MAML1: variants seen among roughly 807,000 people sequenced by gnomAD.
MAML1 encodes mastermind-like protein 1.
Under a neutral mutation model 77.1 loss-of-function variants are expected in MAML1, and 14 were observed. That is an observed-to-expected ratio of 0.18 (90% CI 0.12 to 0.28). MAML1 has a LOEUF of 0.28. Among genes scored for constraint, MAML1 ranks in the 10% least tolerant of loss-of-function variants. MAML1 has a pLI of 1.00. For synonymous variants in MAML1, 516 were observed against 551.9 expected, an observed-to-expected ratio of 0.93 and a Z score of 0.91; for missense variants, 1,217 against 1,327.8, an observed-to-expected ratio of 0.92 and a Z score of 1.30.
intron 1 of MAML1, among the ~76,000 whole-genome samples, chr5:179,755,840 C>G (rs1459559651): frequency 6.6e-6 from 1 of 151,624 alleles, no homozygotes; most frequent in Non-Finnish European, 1.5e-5. Context: ...TCTCAGCTCA[C>G]TGCAACCTCT....
Position 179,776,385 on chromosome 5 carries a change from A to G in MAML1, c.*1508A>G. 2.0e-6 allele frequency: 2 copies of G among 985,850 alleles called. No individual in the cohort carries two copies. The highest frequency in any genetic ancestry group is 3.5e-5 in the African/African-American group (2 of 57,342). 61.1% of individuals were successfully genotyped at this position (985,850 alleles called of 1,614,324 possible). A position where few individuals can be genotyped will look rare whatever the true frequency, so the allele number is the denominator to read the frequency against. On this transcript the variant is annotated 3_prime_UTR_variant, in exon 5 of 5. Transcript: ENST00000292599. The stretch of plus-strand genomic sequence containing the variant: ...TGAGGGGACGAGAGGTTGTACACAC[A>G]TTGGTAGTTATTTTGCACCAGCAGT...
chr5:179,756,055 T>C (rs1779608429), intron 1 of MAML1, among the ~76,000 whole-genome samples: 1 of 150,814 alleles, frequency 6.6e-6, no homozygotes, highest in Admixed American at 6.6e-5. Context: ...TGAGCCACCA[T>C]GCCTGGCAGT....
Position 179,769,140 on chromosome 5 carries a change from C to T in MAML1, c.1971+51C>T, listed in dbSNP as rs750649902. 1.2e-5 allele frequency: 19 copies of T among 1,602,564 alleles called. No homozygotes were observed. Among genetic ancestry groups the T allele is most frequent in the Non-Finnish European group, 1.6e-5 (19 of 1,173,556 alleles). On this transcript the variant is annotated intron_variant, in intron 3 of 4. Coordinates refer to ENST00000292599, the MANE Select transcript of MAML1 (RefSeq NM_014757.5). This position sits in a 1 kb window ranked among gnomAD's most constrained non-coding sequence, Gnocchi z 4.2. ...ACCGCTTCCCACCTTTGCCTGCACC[C>T]TGCGTCACTGCTACAGTCACACCTT...
intron 1 of MAML1, among the ~76,000 whole-genome samples, chr5:179,740,264 G>A (rs1001220459): frequency 1.3e-5 from 2 of 152,050 alleles, no homozygotes; most frequent in Non-Finnish European, 1.5e-5. Flanking sequence ...AGCAGGATAG[G>A]GAGCAGAAAC....
rs750162656 is a variant in MAML1, at chr5:179,765,567, T to C, written c.557T>C (p.Leu186Pro). The change falls in exon 2 of 5, where the codon CTC becomes CCC. Residue 186 changes from leucine (L) to proline (P), a missense_variant. Physicochemically the swap from Leu to Pro is moderately conservative, Grantham distance 98. This residue lies in a region of MAML1 where 312 missense variants were observed against 331.4 expected (regional missense o/e 0.94). Coordinates refer to ENST00000292599, the MANE Select transcript of MAML1 (RefSeq NM_014757.5). ...AAGCACTCTCTGGGGCTAGACTCTC[T>C]CAACAAAAAGCGTCTGGCTGACTCC... ...SGKHSLGLDS[L>P]NKKRLADSSL... The C allele has an allele frequency of 6.2e-6, 10 of 1,613,894 alleles. No individual in the cohort carries two copies. The highest frequency in any genetic ancestry group is 8.5e-6 in the Non-Finnish European group (10 of 1,179,978).
chr5:179,735,574 A>G (rs1779150059), intron 1 of MAML1, among the ~76,000 whole-genome samples: 1 of 151,964 alleles, frequency 6.6e-6, no homozygotes, highest in African/African-American at 2.4e-5. Context: ...TATTTTTAGT[A>G]GAGATGGGGT....
Position 179,774,382 on chromosome 5 carries a change from A to G in MAML1, c.2556A>G (p.Pro852=). 6.2e-6 allele frequency: 10 copies of G among 1,613,208 alleles called. No homozygotes were observed. Among genetic ancestry groups the G allele is most frequent in the Non-Finnish European group, 8.5e-6 (10 of 1,180,036 alleles). The change falls in exon 5 of 5, where the codon CCA becomes CCG. Residue 852 remains proline, a synonymous_variant. Transcript: ENST00000292599. ...QGMPNLSGQT[P]GNSNVSPFTA... The stretch of plus-strand genomic sequence containing the variant: ...TGCCGAACCTCAGTGGCCAGACCCC[A>G]GGGAACAGCAACGTGAGTCCCTTCA...
At chr5:179,746,725 T>C (rs1779390535) in intron 1 of MAML1, among the ~76,000 whole-genome samples, 1 of 152,200 alleles carries the variant, frequency 6.6e-6, no homozygotes, top group Admixed American at 6.5e-5. Flanking sequence ...AAAATCACAG[T>C]TACATATAAT....
intron 1 of MAML1, among the ~76,000 whole-genome samples, chr5:179,743,331 C>G (rs1183910717): frequency 2.7e-5 from 4 of 145,818 alleles, no homozygotes; most frequent in African/African-American, 1.0e-4. Flanking sequence ...GGATTACAGG[C>G]GTGAGCCACC....
At chr5:179,752,024 T>A (rs1031196383) in intron 1 of MAML1, among the ~76,000 whole-genome samples, 1 of 148,452 alleles carries the variant, frequency 6.7e-6, no homozygotes. Context: ...AAATACTGAT[T>A]ACATGTTAAA....
At chr5:179,747,174 T>C (rs1248399200) in intron 1 of MAML1, among the ~76,000 whole-genome samples, 1 of 152,180 alleles carries the variant, frequency 6.6e-6, no homozygotes, top group Non-Finnish European at 1.5e-5. Context: ...TTTTAATTAG[T>C]GTGTTTTTGC....
intron 4 of MAML1, among the ~76,000 whole-genome samples, chr5:179,772,840 A>G (rs1756033238): frequency 6.6e-6 from 1 of 152,092 alleles, no homozygotes; most frequent in Non-Finnish European, 1.5e-5. Flanking sequence ...TCTCCCCAGC[A>G]TGGTCTCAGC....
chr5:179,758,768 C>T (rs1211699891), intron 1 of MAML1, among the ~76,000 whole-genome samples: 5 of 151,924 alleles, frequency 3.3e-5, no homozygotes, highest in African/African-American at 1.2e-4. Context: ...TTTGGGAGAC[C>T]AAGGTGGGCA....
At chr5:179,743,992 C>T (rs1460729088) in intron 1 of MAML1, among the ~76,000 whole-genome samples, 14 of 152,068 alleles carry the variant, frequency 9.2e-5, no homozygotes. Context: ...AATATCTTAG[C>T]GATATGCTAT....
Position 179,771,904 on chromosome 5 carries a change from T to C in MAML1, c.2068+661T>C, listed in dbSNP as rs1436133824. ...TTATTTGGGACCTTGCTATAAAGGG[T>C]CCCAGAGAGACTGACCACAGCTGTG... On this transcript the variant is annotated intron_variant, in intron 4 of 4. Transcript: ENST00000292599. This position sits in a 1 kb window ranked among gnomAD's most constrained non-coding sequence, Gnocchi z 4.7. 6.6e-6 allele frequency among the ~76,000 whole-genome samples: 1 copy of C among 152,146 alleles called. No individual in the cohort carries two copies. The highest frequency in any genetic ancestry group is 1.5e-5 in the Non-Finnish European group (1 of 68,028).
chr5:179,772,809 C>A (rs987646814), intron 4 of MAML1, among the ~76,000 whole-genome samples: 1 of 152,230 alleles, frequency 6.6e-6, no homozygotes, highest in African/African-American at 2.4e-5. Flanking sequence ...TGCCCTCCCT[C>A]ATCTCCGTGA....
chr5:179,774,088 C>T lies in MAML1; in HGVS notation c.2262C>T (p.Ser754=), dbSNP rs763783895. ...CTGGCTCCCAAAACATGCCTCAGAG[C>T]AGCCTCTATGGCATGGCTTCTGGCA... The part of the protein sequence containing the change: ...QFPGSQNMPQ[S]SLYGMASGIT... Residue 754 remains serine (S), a synonymous_variant, in exon 5 of 5, where the codon AGC becomes AGT. Transcript: ENST00000292599. 1.9e-6 allele frequency: 3 copies of T among 1,613,890 alleles called. No homozygotes were observed. Among genetic ancestry groups the T allele is most frequent in the Admixed American group, 3.3e-5 (2 of 60,002 alleles).
At chr5:179,753,648 A>ATTTTT (rs1463291620) in intron 1 of MAML1, among the ~76,000 whole-genome samples, 109 of 38,250 alleles carry the variant, frequency 2.8e-3, no homozygotes, top group Non-Finnish European at 4.0e-3. Flanking sequence ...TTTTATTATT[A>ATTTTT]TTATTATTTT....
intron 1 of MAML1, among the ~76,000 whole-genome samples, chr5:179,756,152 G>A (rs373214912): frequency 2.6e-5 from 4 of 151,604 alleles, no homozygotes; most frequent in Admixed American, 6.6e-5. Flanking sequence ...GTGGCCGGTC[G>A]CGGTGGCTCA....
Sources: gnomAD v4.1 joint callset for allele counts (sites outside exome capture counted in the v4.1 genomes callset) on GRCh38, gnomAD v4.1.1 for gene constraint, gnomAD v4.1.1 regional missense constraint, Gnocchi (gnomAD v3.1) non-coding constraint, MANE v1.5 for transcripts, NCBI Gene and HGNC (gene_info 2026-07-23, HGNC 2026-07-21) for gene names.